The following GOLGA4 variants were observed in gnomAD, a reference collection of about 807,000 sequenced individuals.
The protein encoded by GOLGA4 is golgin subfamily A member 4.
In GOLGA4, 169 loss-of-function variants were observed where a neutral mutation model predicts 265.9. That is an observed-to-expected ratio of 0.64 (90% CI 0.56 to 0.72). The LOEUF is 0.72. GOLGA4 is among the 30% of genes least tolerant of loss of function. The pLI is 0.00. For missense variants in GOLGA4, 2,482 were observed against 2,483.4 expected, an observed-to-expected ratio of 1.00 and a Z score of 0.01; for synonymous variants, 923 against 855.8, an observed-to-expected ratio of 1.08 and a Z score of -1.37.
Position 37,325,249 on chromosome 3 carries a change from T to A in GOLGA4, c.3363T>A (p.His1121Gln). The change falls in exon 14 of 24, where the codon CAT (histidine) becomes CAA (glutamine). Residue 1121 changes from histidine (H) to glutamine (Q), a missense_variant. Physicochemically the swap from His to Gln is conservative, Grantham distance 24. Coordinates refer to ENST00000361924, the MANE Select transcript of GOLGA4 (RefSeq NM_002078.5). ...LQEQLKQKSA[H>Q]VNSLAQDETK... The stretch of plus-strand genomic sequence containing the variant: ...AACAGTTAAAGCAGAAGTCTGCCCA[T>A]GTGAATTCTCTTGCACAAGATGAAA... 6.2e-7 allele frequency: 1 copy of A among 1,613,128 alleles called. No homozygotes were observed. The highest frequency in any genetic ancestry group is 1.3e-5 in the African/African-American group (1 of 75,002).
chr3:37,246,266 C>A (rs2096719233), intron 1 of GOLGA4, among the ~76,000 whole-genome samples: 1 of 149,562 alleles, frequency 6.7e-6, no homozygotes, highest in African/African-American at 2.5e-5. Flanking sequence ...GAGATCGTGC[C>A]ACTGCACTCC....
chr3:37,290,914 A>G (rs567226264), intron 5 of GOLGA4, among the ~76,000 whole-genome samples: 1 of 152,298 alleles, frequency 6.6e-6, no homozygotes, highest in South Asian at 2.1e-4. Flanking sequence ...AGGGGCAAAT[A>G]ATACGGCATT....
chr3:37,313,805 A>G (rs962361758), intron 10 of GOLGA4, among the ~76,000 whole-genome samples: 1 of 152,184 alleles, frequency 6.6e-6, no homozygotes, highest in Non-Finnish European at 1.5e-5. Context: ...TGAAAATACC[A>G]ATATCAACTT....
chr3:37,260,759 C>T (rs1021254127), intron 2 of GOLGA4, among the ~76,000 whole-genome samples: 1 of 152,050 alleles, frequency 6.6e-6, no homozygotes, highest in South Asian at 2.1e-4. Flanking sequence ...CAGTATTACA[C>T]ATGAGAGATG....
chr3:37,352,523 A>G (rs982252830), intron 21 of GOLGA4, among the ~76,000 whole-genome samples: 1 of 152,064 alleles, frequency 6.6e-6, no homozygotes, highest in African/African-American at 2.4e-5. Flanking sequence ...GGACAGAGCC[A>G]AATCATGTCG....
At position 37,326,247 on chromosome 3, in the gene GOLGA4, C is replaced by A. The variant is rs2096970403; in HGVS notation, c.4361C>A (p.Thr1454Lys). ...AAGAAGAAAGCACAGTCAAGATTTA[C>A]ACAGCATCAAAACACTGTTAAAGAA... is the stretch of plus-strand genomic sequence containing the variant. Reference protein sequence around the residue: ...EWKKKAQSRFTQHQNTVKELQ... With the variant: ...EWKKKAQSRFKQHQNTVKELQ... The change falls in exon 14 of 24, where the codon ACA (threonine) becomes AAA (lysine). Residue 1454 changes from threonine (T) to lysine (K), a missense_variant. By Grantham distance (78) the Thr-to-Lys change is moderately conservative. Coordinates refer to ENST00000361924, the MANE Select transcript of GOLGA4 (RefSeq NM_002078.5). 6.2e-7 allele frequency: 1 copy of A among 1,613,576 alleles called. No homozygotes were observed. Among genetic ancestry groups the A allele is most frequent in the Non-Finnish European group, 8.5e-7 (1 of 1,179,710 alleles).
At chr3:37,334,056 A>G (rs1189653135) in intron 16 of GOLGA4, among the ~76,000 whole-genome samples, 5 of 152,220 alleles carry the variant, frequency 3.3e-5, no homozygotes, top group Admixed American at 6.5e-5. Flanking sequence ...AAATCAGATC[A>G]ATATTCCAAT....
intron 12 of GOLGA4, 131 bp downstream of exon 12, chr3:37,319,325 A>T (rs2096948018): frequency 4.7e-6 from 3 of 636,918 alleles, no homozygotes; most frequent in Admixed American, 6.4e-5. Flanking sequence ...TAAAGAGAGG[A>T]TAGAGAGTAG....
In GOLGA4 at chr3:37,327,823, CAAGT is replaced by C. The variant is rs1243450618; in HGVS notation, c.5939+3_5939+6del. The C allele has an allele frequency of 1.3e-6, 2 of 1,588,142 alleles. No individual in the cohort carries two copies. The highest frequency in any genetic ancestry group is 1.7e-6 in the Non-Finnish European group (2 of 1,164,818). On this transcript the variant is annotated splice_donor_variant and coding_sequence_variant, in exon 14 of 24. Coordinates refer to ENST00000361924, the MANE Select transcript of GOLGA4 (RefSeq NM_002078.5). LOFTEE classifies it high-confidence loss of function. ...ATGATCAAGAAAGGGAAGAGAAAAT[CAAGT>C]AAGTTTTATTTCAGCTTGAATATTT...
intron 2 of GOLGA4, among the ~76,000 whole-genome samples, chr3:37,265,117 T>TTGTG (rs35252934): frequency 0.2 from 28,914 of 147,478 alleles, 2,995 homozygotes; most frequent in Admixed American, 0.25. Flanking sequence ...CATGCTCATA[T>TTGTG]TGTGTGTGTG....
At chr3:37,362,780 C>CCTTTTTTTTTTT (rs1375290747) in intron 23 of GOLGA4, among the ~76,000 whole-genome samples, 14 of 75,456 alleles carry the variant, frequency 1.9e-4, no homozygotes, top group South Asian at 7.2e-4. Context: ...AGCCTCTAAG[C>CCTTTTTTTTTTT]TTTTTTTTTT....
chr3:37,266,025 C>CAAAAAAAA, intron 2 of GOLGA4, among the ~76,000 whole-genome samples: 1 of 97,058 alleles, frequency 1.0e-5, no homozygotes. Context: ...GACCTTGTCT[C>CAAAAAAAA]AAAAAAAAAA....
chr3:37,337,685 C>T lies in GOLGA4; in HGVS notation c.6347C>T (p.Thr2116Met), dbSNP rs780800757. The T allele has an allele frequency of 9.3e-6, 15 of 1,610,936 alleles. No homozygotes were observed. Among genetic ancestry groups the T allele is most frequent in the Middle Eastern group, 1.6e-4 (1 of 6,078 alleles). The change falls in exon 19 of 24, where the codon ACG becomes ATG. Residue 2116 changes from threonine to methionine, a missense_variant. Around this residue, in one of 3 missense-constraint regions of GOLGA4, gnomAD observed 942 missense variants for 983.1 expected, o/e 0.96. Transcript: ENST00000361924. ...TTTCAGACACAGCTAGCACAGAAGA[C>T]GACTTTAATCAGTGATTCGAAATTG... ...MELQTQLAQK[T>M]TLISDSKLKE...
At chr3:37,365,470 G>A (rs1175402041) in intron 23 of GOLGA4, among the ~76,000 whole-genome samples, 3 of 152,192 alleles carry the variant, frequency 2.0e-5, no homozygotes, top group Non-Finnish European at 4.4e-5. Context: ...GTTTTGCCAT[G>A]TTGGCCAGGC....
intron 2 of GOLGA4, chr3:37,273,458 C>T: frequency 1.3e-6 from 1 of 752,032 alleles, no homozygotes. Flanking sequence ...GGTCTTGGCA[C>T]ATGGGCTTTA....
chr3:37,266,126 G>A (rs1166347690), intron 2 of GOLGA4, among the ~76,000 whole-genome samples: 1 of 151,604 alleles, frequency 6.6e-6, no homozygotes, highest in Non-Finnish European at 1.5e-5. Context: ...CGTAGCTTGC[G>A]TGTCTGAAAC....
In GOLGA4 at chr3:37,260,007, A is replaced by G. The variant is rs114773607; in HGVS notation, c.162+8523A>G. 8.6e-3 allele frequency among the ~76,000 whole-genome samples: 1,311 copies of G among 152,160 alleles called. 12 individuals are homozygous for G. The highest frequency in any genetic ancestry group is 0.014 in the Non-Finnish European group (923 of 68,004). ...TCTTCACCTGCTGCTACTGTAAACC[A>G]TTTTATTCTTGGATCTTCTGTAGAG... On this transcript the variant is annotated intron_variant, in intron 2 of 23. Transcript: ENST00000361924.
At chr3:37,311,706 A>AT (rs1441104317) in intron 10 of GOLGA4, among the ~76,000 whole-genome samples, 1 of 152,206 alleles carries the variant, frequency 6.6e-6, no homozygotes, top group Non-Finnish European at 1.5e-5. Context: ...AGAGGGTTAA[A>AT]TTTAGATGAA....
intron 4 of GOLGA4, among the ~76,000 whole-genome samples, chr3:37,288,996 A>G (rs542143183): frequency 2.0e-5 from 3 of 152,366 alleles, no homozygotes; most frequent in South Asian, 4.1e-4. Flanking sequence ...TAACAAATGT[A>G]TAGATTTTGA....
Sources: gnomAD v4.1 joint callset for allele counts (sites outside exome capture counted in the v4.1 genomes callset) on GRCh38, gnomAD v4.1.1 for gene constraint, gnomAD v4.1.1 regional missense constraint, MANE v1.5 for transcripts, NCBI Gene and HGNC (gene_info 2026-07-23, HGNC 2026-07-21) for gene names.